Variants in CHD8 observed in about 807,000 individuals in gnomAD.
CHD8 encodes chromodomain helicase DNA binding protein 8.
A neutral mutation model predicts 279.2 loss-of-function variants in CHD8; 31 were observed. The observed-to-expected ratio is 0.11, with a 90% CI of 0.08 to 0.15. CHD8 has a LOEUF of 0.15. Ranked by LOEUF, CHD8 falls within the 10% of genes least tolerant of loss-of-function variation. The probability of loss-of-function intolerance (pLI) is 1.00; values close to 1 mark genes in which losing one functional copy is unlikely to be tolerated. For missense variants in CHD8, 2,146 were observed against 3,230.5 expected, an observed-to-expected ratio of 0.66 and a Z score of 8.14; for synonymous variants, 1,081 against 1,139.6, an observed-to-expected ratio of 0.95 and a Z score of 1.04.
chr14:21,390,640 C>T (rs1348083337), intron 37 of CHD8, among the ~76,000 whole-genome samples: 4 of 151,770 alleles, frequency 2.6e-5, no homozygotes, highest in Non-Finnish European at 5.9e-5. Context: ...TAGCCAGGCG[C>T]GGTGGCAGGT....
intron 1 of CHD8, among the ~76,000 whole-genome samples, chr14:21,438,512 TA>T (rs559681631): frequency 9.8e-5 from 11 of 112,502 alleles, no homozygotes; most frequent in South Asian, 3.1e-4. Flanking sequence ...CCTAGTCTCT[TA>T]AAAAAAAAAA....
intron 13 of CHD8, 71 bp from the exon 14 acceptor site, chr14:21,407,103 T>C: frequency 7.6e-7 from 1 of 1,308,098 alleles, no homozygotes; most frequent in Non-Finnish European, 1.0e-6. Context: ...CTGAATTACT[T>C]GCCTATATTA....
Position 21,395,144 on chromosome 14 carries a change from T to G in CHD8, c.5183-25A>C, listed in dbSNP as rs761041957. ...GCTGTGGAAAACAAAGTAGAATGAA[T>G]AGGAAGTATAGCAAGGGTAGTAGAG... On this transcript the variant is annotated intron_variant, in intron 29 of 37. Coordinates refer to ENST00000646647, the MANE Select transcript of CHD8 (RefSeq NM_001170629.2). 5 of 1,603,980 alleles carry G rather than the reference T, an allele frequency of 3.1e-6. No individual in the cohort carries two copies. The Admixed American group carries it at 6.8e-5, about 22-fold the overall frequency.
At chr14:21,414,504 A>G in intron 8 of CHD8, 86 bp from the exon 9 acceptor site, 1 of 709,042 alleles carries the variant, frequency 1.4e-6, no homozygotes, top group Non-Finnish European at 2.5e-6. Flanking sequence ...AGTCAGAAGC[A>G]GACATAACAA....
intron 1 of CHD8, among the ~76,000 whole-genome samples, chr14:21,445,558 G>A (rs1890092245): frequency 6.6e-6 from 1 of 151,672 alleles, no homozygotes; most frequent in African/African-American, 2.4e-5. Flanking sequence ...GCGTGGTGGT[G>A]TGCACCTGTA....
At chr14:21,401,672 C>A (rs1166888188) in intron 20 of CHD8, 159 bp from the exon 21 acceptor site, 1 of 588,266 alleles carries the variant, frequency 1.7e-6, no homozygotes, top group Non-Finnish European at 2.9e-6. Context: ...GCAACCTCCA[C>A]CCCCTGGGTT....
At chr14:21,386,603 C>T (rs530812223) in intron 37 of CHD8, among the ~76,000 whole-genome samples, 231 of 151,590 alleles carry the variant, frequency 1.5e-3, no homozygotes, top group Middle Eastern at 0.01. Flanking sequence ...TTTGGGAGGC[C>T]GAGGCGGGGG....
chr14:21,423,447 C>T (rs1055163023), intron 5 of CHD8, among the ~76,000 whole-genome samples: 1 of 152,154 alleles, frequency 6.6e-6, no homozygotes, highest in Non-Finnish European at 1.5e-5. Flanking sequence ...GTAACGCCTT[C>T]ATGACCTAAT....
chr14:21,418,706 C>T (rs2139508319), intron 5 of CHD8, among the ~76,000 whole-genome samples: 1 of 152,290 alleles, frequency 6.6e-6, no homozygotes, highest in Admixed American at 6.5e-5. Flanking sequence ...GTACCAGCTA[C>T]TCAGAAGGCT....
rs11851628 is a variant in CHD8 at position 21,408,893 on chromosome 14, T to A, written c.2365-68A>T. 11,476 of 1,466,724 alleles carry A rather than the reference T, an allele frequency of 7.8e-3. 754 individuals carry two copies. In the African/African-American group the frequency reaches 0.14, roughly 18 times the overall value. 90.9% of individuals were successfully genotyped at this position (1,466,724 alleles called of 1,614,324 possible). On this transcript the variant is annotated intron_variant, in intron 11 of 37. Transcript: ENST00000646647. This position sits in a 1 kb window ranked among gnomAD's most constrained non-coding sequence, Gnocchi z 4.3. ...CAAAAGGTAAGACTTACTAGGTAAG[T>A]TCTAATAGTTAAAATCAATTCAAAA...
chr14:21,391,685 TG>T, intron 35 of CHD8, 43 bp from the exon 36 acceptor site: 1 of 525,692 alleles, frequency 1.9e-6, no homozygotes, highest in Non-Finnish European at 3.6e-6. Flanking sequence ...TACTCTTCTT[TG>T]GGGGAGGGAG....
At chr14:21,391,779 TG>T (rs1638706235) in intron 35 of CHD8, 53 bp downstream of exon 35, 11 of 1,539,648 alleles carry the variant, frequency 7.1e-6, no homozygotes, top group Non-Finnish European at 9.0e-6. Flanking sequence ...CATCAATTAT[TG>T]GGAATAAAAA....
In CHD8 at chr14:21,403,539, C is replaced by T; in HGVS notation, c.3432G>A (p.Lys1144=). Reference sequence around the variant, plus strand: ...GAACTTTATGGCCACCAGCTTTAAGCTTTGGAAGCAACTTGTCAATAAGAA... The same window carrying T: ...GAACTTTATGGCCACCAGCTTTAAGTTTTGGAAGCAACTTGTCAATAAGAA... ...KLVLIDKLLP[K]LKAGGHKVLI... The change falls in exon 17 of 38, where the codon AAG becomes AAA. Residue 1144 remains lysine (K), a synonymous_variant. Coordinates refer to ENST00000646647, the MANE Select transcript of CHD8 (RefSeq NM_001170629.2). The surrounding 1 kb of genome is among the most constrained non-coding windows in gnomAD (Gnocchi z 4.3). The T allele has an allele frequency of 2.5e-6, 4 of 1,613,728 alleles. No individual in the cohort carries two copies. In the South Asian group the frequency reaches 4.4e-5, roughly 18 times the overall value.
chr14:21,435,527 T>C (rs1231318046), intron 1 of CHD8, among the ~76,000 whole-genome samples: 2 of 152,198 alleles, frequency 1.3e-5, no homozygotes, highest in African/African-American at 4.8e-5. Flanking sequence ...CCCATTTCTA[T>C]AATAAACTGT....
chr14:21,445,688 C>CA (rs747923350), intron 1 of CHD8, among the ~76,000 whole-genome samples: 820 of 17,210 alleles, frequency 0.048, 134 homozygotes, highest in African/African-American at 0.1. Flanking sequence ...GATTCGGTCT[C>CA]AAAAAAAAAA....
chr14:21,403,005 G>A lies in CHD8; in HGVS notation c.3714+12C>T. On this transcript the variant is annotated intron_variant, in intron 18 of 37. Coordinates refer to ENST00000646647, the MANE Select transcript of CHD8 (RefSeq NM_001170629.2). The surrounding 1 kb of genome is among the most constrained non-coding windows in gnomAD (Gnocchi z 4.3). ...TTAGGTAGTTAGTCCCTAAGACAAT[G>A]AATTCCTTTACCTGCAGGTCATTTT... 1 of 1,606,374 alleles carries A rather than the reference G, an allele frequency of 6.2e-7. No individual in the cohort carries two copies. Among genetic ancestry groups the A allele is most frequent in the Non-Finnish European group, 8.5e-7 (1 of 1,173,996 alleles).
chr14:21,427,705 C>A, intron 4 of CHD8, 164 bp downstream of exon 4: 2 of 1,509,052 alleles, frequency 1.3e-6, no homozygotes, highest in Non-Finnish European at 1.8e-6. Context: ...TACTCTTGCA[C>A]GTCCCATCAC....
chr14:21,445,967 T>A (rs1456494343), intron 1 of CHD8, among the ~76,000 whole-genome samples: 1 of 152,018 alleles, frequency 6.6e-6, no homozygotes, highest in Non-Finnish European at 1.5e-5. Context: ...GCCACTGCAC[T>A]CCAGCCTGGC....
At position 21,430,938 on chromosome 14, in the gene CHD8, G is replaced by C. The variant is rs1555318567; in HGVS notation, c.706C>G (p.Gln236Glu). The change falls in exon 2 of 38, where the codon CAG becomes GAG. Residue 236 changes from glutamine (Q) to glutamate (E), a missense_variant. This residue lies in a region of CHD8 where 302 missense variants were observed against 325.5 expected (regional missense o/e 0.93). Coordinates refer to ENST00000646647, the MANE Select transcript of CHD8 (RefSeq NM_001170629.2). ...AKVPGNQAAV[Q>E]RIVQPSRPVK... ...GGTCGGCTGGGCTGGACAATGCGCT[G>C]AACAGCAGCCTGGTTCCCAGGGACC... 6.3e-7 allele frequency: 1 copy of C among 1,599,528 alleles called. No individual in the cohort carries two copies. The highest frequency in any genetic ancestry group is 8.5e-7 in the Non-Finnish European group (1 of 1,179,800).
Sources: allele counts gnomAD v4.1 joint callset (sites outside exome capture counted in the v4.1 genomes callset), GRCh38; gene constraint gnomAD v4.1.1; regional missense constraint gnomAD v4.1.1; non-coding constraint Gnocchi (gnomAD v3.1); transcripts MANE v1.5; gene names NCBI Gene and HGNC (gene_info 2026-07-23, HGNC 2026-07-21).